The following SUPT3H variants were observed in gnomAD, a reference collection of about 807,000 sequenced individuals.
SUPT3H encodes transcription initiation protein SPT3 homolog.
SUPT3H carries 44 observed loss-of-function variants against 44.3 expected under a neutral mutation model. The observed-to-expected ratio is 0.99, with a 90% CI of 0.78 to 1.28. SUPT3H has a LOEUF of 1.28. Among genes scored for constraint, SUPT3H ranks in the 50% most tolerant of loss-of-function variants. SUPT3H has a pLI of 0.00. For missense variants in SUPT3H, 380 were observed against 387.1 expected (o/e 0.98, Z 0.15); for synonymous variants, 124 against 125.6 (o/e 0.99, Z 0.09).
Position 45,158,298 on chromosome 6 carries a change from A to ATATATATATTT in SUPT3H, c.102-52293_102-52292insAAATATATATA. On this transcript the variant is annotated intron_variant, in intron 2 of 10. Transcript: ENST00000371459. ...TACATATATATATATATATATATAT[A>ATATATATATTT]TTTTTTTTTTTTTTTTTTTGAGATG... 7.0e-4 allele frequency among the ~76,000 whole-genome samples: 70 copies of ATATATATATTT among 99,684 alleles called. 3 individuals are homozygous for ATATATATATTT. Among genetic ancestry groups the ATATATATATTT allele is most frequent in the African/African-American group, 3.1e-3 (62 of 19,978 alleles). 65.4% of individuals were successfully genotyped at this position (99,684 alleles called of 152,430 possible). A position where few individuals can be genotyped will look rare whatever the true frequency, so the allele number is the denominator to read the frequency against.
At chr6:45,261,251 C>T (rs1015252026) in intron 2 of SUPT3H, among the ~76,000 whole-genome samples, 1 of 151,946 alleles carries the variant, frequency 6.6e-6, no homozygotes, top group Non-Finnish European at 1.5e-5. Context: ...ATACCAAAAC[C>T]TGCCAGAGAC....
At chr6:44,888,678 T>C (rs1340814318) in intron 10 of SUPT3H, among the ~76,000 whole-genome samples, 1 of 151,912 alleles carries the variant, frequency 6.6e-6, no homozygotes, top group Non-Finnish European at 1.5e-5. Context: ...GGGCAAAAAC[T>C]GGAAGCATTC....
chr6:44,936,798 G>T (rs567316985), intron 9 of SUPT3H, among the ~76,000 whole-genome samples: 1 of 152,068 alleles, frequency 6.6e-6, no homozygotes, highest in African/African-American at 2.4e-5. Context: ...CACCCAAATA[G>T]CTGGGACTAC....
At chr6:44,850,627 T>C (rs1179279908) in intron 10 of SUPT3H, among the ~76,000 whole-genome samples, 4 of 152,168 alleles carry the variant, frequency 2.6e-5, no homozygotes, top group Non-Finnish European at 5.9e-5. Flanking sequence ...CATTCTCAAA[T>C]AGAAAGGAGT....
intron 2 of SUPT3H, among the ~76,000 whole-genome samples, chr6:45,153,962 C>T (rs12204678): frequency 0.41 from 60,957 of 150,184 alleles, 12,662 homozygotes; most frequent in East Asian, 0.71. Context: ...CCCAGCTACT[C>T]GGGAGGCTGA....
chr6:45,063,011 C>T (rs1369611217), intron 3 of SUPT3H, among the ~76,000 whole-genome samples: 1 of 151,186 alleles, frequency 6.6e-6, no homozygotes, highest in Non-Finnish European at 1.5e-5. Flanking sequence ...GGGGGCAGGG[C>T]ACAGACAAAC....
chr6:45,214,370 G>A (rs1387735595), intron 2 of SUPT3H, among the ~76,000 whole-genome samples: 1 of 151,258 alleles, frequency 6.6e-6, no homozygotes, highest in African/African-American at 2.4e-5. Context: ...GCTGGGGCAA[G>A]AAAATCAGGA....
At chr6:44,906,397 G>A (rs1036537923) in intron 10 of SUPT3H, among the ~76,000 whole-genome samples, 3 of 152,078 alleles carry the variant, frequency 2.0e-5, no homozygotes, top group African/African-American at 7.2e-5. Flanking sequence ...TCTATTTCAC[G>A]ATATTTGACT....
chr6:44,896,839 G>T (rs1694899701), intron 10 of SUPT3H, among the ~76,000 whole-genome samples: 1 of 152,182 alleles, frequency 6.6e-6, no homozygotes, highest in Non-Finnish European at 1.5e-5. Flanking sequence ...CAGCTAGACA[G>T]AGGGTCAAGG....
intron 6 of SUPT3H, among the ~76,000 whole-genome samples, chr6:44,982,232 CT>C (rs200691431): frequency 6.6e-6 from 1 of 151,116 alleles, no homozygotes; most frequent in African/African-American, 2.4e-5. Flanking sequence ...GTCACCCAGG[CT>C]TTTTTTTTGA....
chr6:45,088,877 C>T (rs1021765941), intron 3 of SUPT3H, among the ~76,000 whole-genome samples: 4 of 151,906 alleles, frequency 2.6e-5, no homozygotes, highest in Non-Finnish European at 5.9e-5. Context: ...TTAATTTATA[C>T]CCATACTGAA....
intron 3 of SUPT3H, among the ~76,000 whole-genome samples, chr6:45,066,392 A>C (rs1349608969): frequency 8.2e-5 from 10 of 122,154 alleles, no homozygotes; most frequent in Non-Finnish European, 3.4e-5. Context: ...TTCCCTTTGA[A>C]AAATGGCACA....
At chr6:45,094,279 A>AG (rs1698148584) in intron 3 of SUPT3H, among the ~76,000 whole-genome samples, 1 of 152,178 alleles carries the variant, frequency 6.6e-6, no homozygotes, top group South Asian at 2.1e-4. Context: ...AGACCAGCAG[A>AG]GAAAAAAAGG....
At chr6:45,361,763 G>C in intron 2 of SUPT3H, 1 of 152,282 alleles carries the variant, frequency 6.6e-6, no homozygotes, top group South Asian at 2.1e-4. Context: ...AAATCTGTAA[G>C]AAGGGGCCAG....
At chr6:45,239,856 A>G (rs1769955830) in intron 2 of SUPT3H, among the ~76,000 whole-genome samples, 1 of 152,204 alleles carries the variant, frequency 6.6e-6, no homozygotes, top group Non-Finnish European at 1.5e-5. Context: ...ACAATTGCAA[A>G]AGCACAAAGG....
At chr6:45,354,981 AG>A (rs1196836727) in intron 2 of SUPT3H, among the ~76,000 whole-genome samples, 1 of 152,038 alleles carries the variant, frequency 6.6e-6, no homozygotes, top group East Asian at 1.9e-4. Context: ...TAGCACTTTG[AG>A]GTTTTTTTTG....
chr6:45,245,962 T>C (rs1030330738), intron 2 of SUPT3H, among the ~76,000 whole-genome samples: 1 of 152,152 alleles, frequency 6.6e-6, no homozygotes, highest in African/African-American at 2.4e-5. Context: ...ATAAATAGCC[T>C]TTCTAATGGG....
intron 10 of SUPT3H, among the ~76,000 whole-genome samples, chr6:44,895,380 T>C (rs1226802708): frequency 6.6e-6 from 1 of 151,200 alleles, no homozygotes; most frequent in East Asian, 2.0e-4. Flanking sequence ...CACAGTACCA[T>C]ACCTGGCTCA....
intron 2 of SUPT3H, among the ~76,000 whole-genome samples, chr6:45,125,949 G>T (rs555109894): frequency 4.6e-5 from 7 of 151,198 alleles, no homozygotes; most frequent in Admixed American, 3.3e-4. Context: ...TTTTTTTTCA[G>T]AAGTTTTGAA....
Sources: allele counts gnomAD v4.1 joint callset (sites outside exome capture counted in the v4.1 genomes callset), GRCh38; gene constraint gnomAD v4.1.1; transcripts MANE v1.5; gene names NCBI Gene and HGNC (gene_info 2026-07-23, HGNC 2026-07-21).